The following ZBTB20 variants were observed in gnomAD, a reference collection of about 807,000 sequenced individuals.
The protein encoded by ZBTB20 is zinc finger and BTB domain containing 20.
In ZBTB20, 9 loss-of-function variants were observed where a neutral mutation model predicts 56.9. The observed-to-expected ratio is 0.16, with a 90% CI of 0.10 to 0.28. ZBTB20 has a LOEUF of 0.28. ZBTB20 is among the 10% of genes least tolerant of loss of function. The pLI is 1.00. For synonymous variants in ZBTB20, 417 were observed against 420.7 expected (o/e 0.99, Z 0.11); for missense variants, 655 against 1,003.0 (o/e 0.65, Z 4.69).
intron 6 of ZBTB20, among the ~76,000 whole-genome samples, chr3:114,513,474 C>G (rs957698901): frequency 6.6e-6 from 1 of 152,158 alleles, no homozygotes; most frequent in African/African-American, 2.4e-5. Flanking sequence ...TAACACTCTC[C>G]ATGCTGGCAT....
At chr3:114,623,284 G>C (rs2058445773) in intron 6 of ZBTB20, among the ~76,000 whole-genome samples, 1 of 152,170 alleles carries the variant, frequency 6.6e-6, no homozygotes, top group Non-Finnish European at 1.5e-5. Flanking sequence ...TCCTCTGCCA[G>C]TCTCACATCA....
chr3:114,914,211 T>C (rs1369932700), intron 3 of ZBTB20, among the ~76,000 whole-genome samples: 1 of 152,090 alleles, frequency 6.6e-6, no homozygotes, highest in Non-Finnish European at 1.5e-5. Context: ...TTCATGAACA[T>C]GGAATATCTT....
At chr3:114,473,691 T>C (rs763021199) in intron 7 of ZBTB20, among the ~76,000 whole-genome samples, 20 of 152,166 alleles carry the variant, frequency 1.3e-4, no homozygotes, top group Middle Eastern at 6.8e-3. Flanking sequence ...AAGTAGAAAA[T>C]ACAAATCACA....
intron 3 of ZBTB20, among the ~76,000 whole-genome samples, chr3:114,941,500 G>C (rs2076723172): frequency 6.8e-6 from 1 of 146,066 alleles, no homozygotes; most frequent in African/African-American, 2.8e-5. Context: ...AACCATAACA[G>C]ACACCTGGTA....
chr3:114,420,726 G>A (rs35354176), intron 7 of ZBTB20, among the ~76,000 whole-genome samples: 2,013 of 152,222 alleles, frequency 0.013, 30 homozygotes, highest in Non-Finnish European at 0.017. Context: ...GAAGTAAAAT[G>A]CCTTCTATTC....
intron 7 of ZBTB20, among the ~76,000 whole-genome samples, chr3:114,431,258 C>G (rs1333678157): frequency 6.6e-6 from 1 of 152,122 alleles, no homozygotes; most frequent in African/African-American, 2.4e-5. Flanking sequence ...CAAGGCACCT[C>G]CCAGCTCTCC....
intron 3 of ZBTB20, among the ~76,000 whole-genome samples, chr3:114,912,717 G>A (rs148965257): frequency 4.6e-5 from 7 of 151,410 alleles, no homozygotes; most frequent in South Asian, 2.1e-4. Context: ...TCTAGCTATC[G>A]TTTTGTACTC....
At chr3:114,562,687 G>C (rs2052225458) in intron 6 of ZBTB20, among the ~76,000 whole-genome samples, 1 of 152,184 alleles carries the variant, frequency 6.6e-6, no homozygotes, top group Non-Finnish European at 1.5e-5. Context: ...TAAAGTGAGA[G>C]ATAACGTGAC....
At chr3:114,709,568 C>A (rs1031509048) in intron 5 of ZBTB20, among the ~76,000 whole-genome samples, 1 of 152,146 alleles carries the variant, frequency 6.6e-6, no homozygotes, top group Non-Finnish European at 1.5e-5. Context: ...ACTATTAATT[C>A]TAGTAAATAA....
chr3:115,062,734 A>G (rs936260330), intron 2 of ZBTB20, among the ~76,000 whole-genome samples: 2 of 152,190 alleles, frequency 1.3e-5, no homozygotes, highest in African/African-American at 4.8e-5. Context: ...CATAACCTCC[A>G]TATTTTTGTA....
intron 1 of ZBTB20, among the ~76,000 whole-genome samples, chr3:115,137,046 T>C (rs1247042277): frequency 6.6e-6 from 1 of 152,078 alleles, no homozygotes; most frequent in Non-Finnish European, 1.5e-5. Context: ...GTTGATAATT[T>C]TTCTAACTTT....
chr3:114,412,406 T>C (rs1056302455), intron 7 of ZBTB20, among the ~76,000 whole-genome samples: 1 of 151,904 alleles, frequency 6.6e-6, no homozygotes. Flanking sequence ...AGAAATAGGA[T>C]TGGAAACAAA....
chr3:114,569,482 C>T (rs1410155756), intron 6 of ZBTB20, among the ~76,000 whole-genome samples: 3 of 152,334 alleles, frequency 2.0e-5, no homozygotes, highest in Non-Finnish European at 2.9e-5. Flanking sequence ...CAGAAACTCT[C>T]CATGATCCTC....
intron 6 of ZBTB20, among the ~76,000 whole-genome samples, chr3:114,558,677 G>A (rs1166885258): frequency 2.0e-5 from 3 of 152,066 alleles, no homozygotes; most frequent in Non-Finnish European, 4.4e-5. Context: ...CACAGAAACT[G>A]TAGTGATTTC....
rs1471174325 is a variant in ZBTB20, at chr3:114,317,733, GA to G, written c.*21271del. 2.0e-5 allele frequency: 3 copies of G among 152,204 alleles called. No individual in the cohort carries two copies. Among genetic ancestry groups the G allele is most frequent in the Admixed American group, 6.5e-5 (1 of 15,296 alleles). 9.4% of individuals were successfully genotyped at this position (152,204 alleles called of 1,614,324 possible). On this transcript the variant is annotated 3_prime_UTR_variant, in exon 12 of 12. Coordinates refer to ENST00000675478, the MANE Select transcript of ZBTB20 (RefSeq NM_001348800.3). ...GAAGAGGTTCATCTAACTATAAAAG[GA>G]AAAGATGAAGGCACGTGATATTATT...
At chr3:114,712,738 C>T (rs141690784) in intron 5 of ZBTB20, among the ~76,000 whole-genome samples, 33 of 150,996 alleles carry the variant, frequency 2.2e-4, no homozygotes, top group Middle Eastern at 3.5e-3. Context: ...AGTTTGTTCA[C>T]GAAATCAAAG....
chr3:114,580,570 A>G (rs1414149705), intron 6 of ZBTB20, among the ~76,000 whole-genome samples: 1 of 151,814 alleles, frequency 6.6e-6, no homozygotes, highest in African/African-American at 2.4e-5. Context: ...TACTGCTGAC[A>G]TACATGTTGC....
At chr3:115,141,019 C>T (rs1337094369) in intron 1 of ZBTB20, among the ~76,000 whole-genome samples, 2 of 152,022 alleles carry the variant, frequency 1.3e-5, no homozygotes, top group Non-Finnish European at 2.9e-5. Context: ...ATAATTAGCA[C>T]TGCTATAAAT....
chr3:114,453,430 C>T (rs1282458476), intron 7 of ZBTB20: 1 of 152,152 alleles, frequency 6.6e-6, no homozygotes, highest in Non-Finnish European at 1.5e-5. Context: ...GATGCAAAAA[C>T]TTGTGAGATC....
Sources: gnomAD v4.1 joint callset for allele counts (sites outside exome capture counted in the v4.1 genomes callset) on GRCh38, gnomAD v4.1.1 for gene constraint, MANE v1.5 for transcripts, NCBI Gene and HGNC (gene_info 2026-07-23, HGNC 2026-07-21) for gene names.